UTS2B: variants seen among roughly 807,000 people sequenced by gnomAD.
UTS2B encodes urotensin-2B.
UTS2B carries 21 observed loss-of-function variants against 19.2 expected under a neutral mutation model. The observed-to-expected ratio is 1.09, with a 90% CI of 0.78 to 1.58. The LOEUF (loss-of-function observed/expected upper bound fraction) is 1.58, where lower values mean the gene tolerates loss of function less well. Among genes scored for constraint, UTS2B ranks in the 40% most tolerant of loss-of-function variants. The probability of loss-of-function intolerance (pLI) is 0.00; values close to 1 mark genes in which losing one functional copy is unlikely to be tolerated. For missense variants in UTS2B, 138 were observed against 130.3 expected (o/e 1.06, Z -0.29); for synonymous variants, 57 against 50.2 (o/e 1.14, Z -0.58).
chr3:191,297,397 T>A (rs562669644), intron 4 of UTS2B, among the ~76,000 whole-genome samples: 9 of 152,172 alleles, frequency 5.9e-5, no homozygotes, highest in African/African-American at 2.2e-4. Context: ...TTCACACAAT[T>A]CCCCTTGTCT....
At chr3:191,281,547 T>C (rs1006559837) in intron 5 of UTS2B, among the ~76,000 whole-genome samples, 1 of 151,766 alleles carries the variant, frequency 6.6e-6, no homozygotes, top group Non-Finnish European at 1.5e-5. Flanking sequence ...TGATAAACAA[T>C]GTGTAATGTA....
intron 4 of UTS2B, among the ~76,000 whole-genome samples, chr3:191,284,666 A>G (rs1317734338): frequency 2.6e-5 from 4 of 151,088 alleles, no homozygotes; most frequent in Non-Finnish European, 4.4e-5. Flanking sequence ...CACGCTTGTA[A>G]TCCCAACTCT....
chr3:191,308,909 A>G (rs1717215035), intron 3 of UTS2B, among the ~76,000 whole-genome samples: 2 of 152,210 alleles, frequency 1.3e-5, no homozygotes, highest in Admixed American at 1.3e-4. Flanking sequence ...ACAGAATGTA[A>G]AAACGATAAA....
intron 8 of UTS2B, among the ~76,000 whole-genome samples, chr3:191,268,689 C>T (rs1171938305): frequency 6.6e-6 from 1 of 152,190 alleles, no homozygotes; most frequent in African/African-American, 2.4e-5. Context: ...CCACAATGGA[C>T]AGTACAAACT....
At chr3:191,276,538 G>T (rs1029659856) in intron 7 of UTS2B, among the ~76,000 whole-genome samples, 2 of 152,154 alleles carry the variant, frequency 1.3e-5, no homozygotes, top group Non-Finnish European at 2.9e-5. Context: ...TTTGCCCCAG[G>T]TTTCACAGTT....
At chr3:191,309,968 T>C (rs1298643919) in intron 3 of UTS2B, among the ~76,000 whole-genome samples, 1 of 152,038 alleles carries the variant, frequency 6.6e-6, no homozygotes, top group African/African-American at 2.4e-5. Flanking sequence ...TTCTTTCTTT[T>C]TTTTCTTTCT....
chr3:191,317,358 G>A (rs1403811783), intron 2 of UTS2B, among the ~76,000 whole-genome samples: 1 of 152,194 alleles, frequency 6.6e-6, no homozygotes, highest in Non-Finnish European at 1.5e-5. Context: ...AGCACGCGCA[G>A]CCCTGGTTCC....
At chr3:191,268,802 C>T (rs1370629096) in intron 8 of UTS2B, among the ~76,000 whole-genome samples, 1 of 152,162 alleles carries the variant, frequency 6.6e-6, no homozygotes, top group Non-Finnish European at 1.5e-5. Flanking sequence ...CTATGAGATT[C>T]ATCCCTCTAT....
intron 4 of UTS2B, among the ~76,000 whole-genome samples, chr3:191,300,796 C>T (rs1355343049): frequency 6.6e-6 from 1 of 152,208 alleles, no homozygotes; most frequent in African/African-American, 2.4e-5. Flanking sequence ...CTCTCTTGCT[C>T]TTGCTCTGGC....
intron 4 of UTS2B, among the ~76,000 whole-genome samples, chr3:191,283,613 A>G (rs998449525): frequency 1.3e-5 from 2 of 152,232 alleles, no homozygotes; most frequent in Admixed American, 6.5e-5. Flanking sequence ...TGCAAGTACC[A>G]TAGTGGTTTG....
At chr3:191,327,161 T>C (rs1267968450) in intron 2 of UTS2B, among the ~76,000 whole-genome samples, 1 of 152,208 alleles carries the variant, frequency 6.6e-6, no homozygotes, top group Non-Finnish European at 1.5e-5. Flanking sequence ...CTGAAAAGAA[T>C]GTAATGAAGA....
chr3:191,320,864 T>C, intron 2 of UTS2B, among the ~76,000 whole-genome samples: 1 of 152,212 alleles, frequency 6.6e-6, no homozygotes, highest in Non-Finnish European at 1.5e-5. Context: ...AATTAAATAT[T>C]CAACTTAGTA....
At chr3:191,329,960 G>A in intron 1 of UTS2B, among the ~76,000 whole-genome samples, 1 of 139,476 alleles carries the variant, frequency 7.2e-6, no homozygotes, top group Non-Finnish European at 1.6e-5. Flanking sequence ...GGGGGGGCTA[G>A]CAGCAGCCCC....
intron 4 of UTS2B, among the ~76,000 whole-genome samples, chr3:191,301,483 A>ATTTTTTTTT (rs750203551): frequency 8.8e-6 from 1 of 113,834 alleles, no homozygotes; most frequent in Admixed American, 1.0e-4. Flanking sequence ...ATTTTTGGTA[A>ATTTTTTTTT]TTTTTTTTTT....
intron 4 of UTS2B, among the ~76,000 whole-genome samples, chr3:191,283,075 C>T (rs1417628392): frequency 6.6e-6 from 1 of 152,174 alleles, no homozygotes; most frequent in East Asian, 1.9e-4. Context: ...CTAAAATTGA[C>T]TCTGTTCCAG....
At position 191,268,401 on chromosome 3, in the gene UTS2B, T is replaced by C. The variant is rs1275931491; in HGVS notation, c.*15A>G. On this transcript the variant is annotated 3_prime_UTR_variant, in exon 9 of 9. Coordinates refer to ENST00000340524, the MANE Select transcript of UTS2B (RefSeq NM_198152.5). ...CCTGATATTCTTATCTTTTTTTGCA[T>C]CCAGAGAAAAAGCTTTAAACACAGT... 6.4e-7 allele frequency: 1 copy of C among 1,556,336 alleles called. No individual in the cohort carries two copies. The highest frequency in any genetic ancestry group is 2.3e-5 in the East Asian group (1 of 44,108).
chr3:191,284,308 T>G (rs2108577541), intron 4 of UTS2B, among the ~76,000 whole-genome samples: 1 of 152,096 alleles, frequency 6.6e-6, no homozygotes, highest in East Asian at 1.9e-4. Flanking sequence ...GGTTGAATAC[T>G]GATTATTCTT....
rs895779253 is a variant in UTS2B, at chr3:191,282,297, C to T, written c.-108G>A. On this transcript the variant is annotated 5_prime_UTR_variant, in exon 5 of 9. Coordinates refer to ENST00000340524, the MANE Select transcript of UTS2B (RefSeq NM_198152.5). ...AGCTTAGTTGCAAAAGGCAAGTGTG[C>T]CTCAGTTACGAATGATCTAGATGAA... The T allele has an allele frequency of 2.3e-5, 16 of 705,088 alleles. No homozygotes were observed. The African/African-American group carries it at 2.3e-4, about 10-fold the overall frequency. 43.7% of individuals were successfully genotyped at this position (705,088 alleles called of 1,614,324 possible).
At chr3:191,310,154 T>C (rs980218349) in intron 3 of UTS2B, among the ~76,000 whole-genome samples, 2 of 151,992 alleles carry the variant, frequency 1.3e-5, no homozygotes, top group Admixed American at 1.3e-4. Flanking sequence ...TTGGTAGAGA[T>C]GGTGTTTCAC....
Sources: allele counts gnomAD v4.1 joint callset (sites outside exome capture counted in the v4.1 genomes callset), GRCh38; gene constraint gnomAD v4.1.1; transcripts MANE v1.5; gene names NCBI Gene and HGNC (gene_info 2026-07-23, HGNC 2026-07-21).